MTA3: variants seen among roughly 807,000 people sequenced by gnomAD.
MTA3 encodes the protein metastasis associated 1 family member 3.
MTA3 carries 34 observed loss-of-function variants against 83.5 expected under a neutral mutation model. That is an observed-to-expected ratio of 0.41 (90% confidence interval 0.31 to 0.54). MTA3 has a LOEUF of 0.54. MTA3 is among the 20% of genes least tolerant of loss of function. The pLI, the probability that MTA3 is intolerant of heterozygous loss-of-function variation, is 0.33. For synonymous variants in MTA3, 303 were observed against 252.7 expected (o/e 1.20, Z -1.89); for missense variants, 761 against 726.4 (o/e 1.05, Z -0.55).
intron 2 of MTA3, among the ~76,000 whole-genome samples, chr2:42,575,272 C>G (rs1441210398): frequency 6.6e-6 from 1 of 152,314 alleles, no homozygotes. Context: ...TCCAAATATA[C>G]TTACTGTGTT....
At chr2:42,677,336 AT>A (rs1227263506) in intron 8 of MTA3, among the ~76,000 whole-genome samples, 3 of 149,124 alleles carry the variant, frequency 2.0e-5, no homozygotes, top group South Asian at 2.1e-4. Context: ...GATCTGATTT[AT>A]TTTTTTTTTA....
At chr2:42,750,905 C>G (rs890960996) in intron 16 of MTA3, among the ~76,000 whole-genome samples, 1 of 152,204 alleles carries the variant, frequency 6.6e-6, no homozygotes, top group Non-Finnish European at 1.5e-5. Flanking sequence ...CCTTTAACTC[C>G]TCTTCCTTGC....
At chr2:42,623,013 T>G (rs1423714878) in intron 4 of MTA3, among the ~76,000 whole-genome samples, 1 of 152,204 alleles carries the variant, frequency 6.6e-6, no homozygotes, top group African/African-American at 2.4e-5. Context: ...AATACAACTT[T>G]GTTTATGACA....
At chr2:42,638,375 C>T (rs1203297812) in intron 4 of MTA3, among the ~76,000 whole-genome samples, 1 of 152,018 alleles carries the variant, frequency 6.6e-6, no homozygotes, top group East Asian at 1.9e-4. Flanking sequence ...GAGAACATGT[C>T]AGATAATTGT....
chr2:42,681,090 C>A (rs1370682038), intron 8 of MTA3, among the ~76,000 whole-genome samples: 1 of 152,148 alleles, frequency 6.6e-6, no homozygotes, highest in Non-Finnish European at 1.5e-5. Context: ...GCAGAAGTAA[C>A]CTCGGGCCCA....
chr2:42,631,627 C>G (rs1036836000), intron 4 of MTA3, among the ~76,000 whole-genome samples: 5 of 152,154 alleles, frequency 3.3e-5, no homozygotes, highest in African/African-American at 9.7e-5. Flanking sequence ...TCTGTCCCCT[C>G]AAGCATTCAT....
At chr2:42,508,924 G>A (rs1419269396) in intron 2 of MTA3, among the ~76,000 whole-genome samples, 1 of 149,152 alleles carries the variant, frequency 6.7e-6, no homozygotes, top group Non-Finnish European at 1.5e-5. Context: ...TATGTTGGGG[G>A]AAAGGGGTTA....
At chr2:42,570,626 TG>T in intron 2 of MTA3, 122 bp downstream of exon 2, 1 of 494,634 alleles carries the variant, frequency 2.0e-6, no homozygotes, top group Non-Finnish European at 3.5e-6. Flanking sequence ...TTGGGAGGCC[TG>T]GCGAGTGGAT....
intron 8 of MTA3, among the ~76,000 whole-genome samples, chr2:42,674,847 G>A (rs959215832): frequency 2.0e-5 from 3 of 151,488 alleles, no homozygotes; most frequent in Non-Finnish European, 2.9e-5. Context: ...TGATCTGCCC[G>A]CCTCGGCCTC....
intron 16 of MTA3, among the ~76,000 whole-genome samples, chr2:42,749,824 G>A (rs1208327383): frequency 6.6e-6 from 1 of 151,984 alleles, no homozygotes; most frequent in Non-Finnish European, 1.5e-5. Flanking sequence ...TGGCTGGAGG[G>A]TTAGTCAAAT....
intron 11 of MTA3, among the ~76,000 whole-genome samples, chr2:42,701,396 G>T (rs183784210): frequency 7.0e-6 from 1 of 143,468 alleles, no homozygotes; most frequent in Non-Finnish European, 1.5e-5. Flanking sequence ...AGACCAGCCT[G>T]GGTAACATAG....
At chr2:42,652,812 A>G (rs1055630928) in intron 6 of MTA3, among the ~76,000 whole-genome samples, 6 of 152,208 alleles carry the variant, frequency 3.9e-5, no homozygotes, top group Non-Finnish European at 8.8e-5. Context: ...TCATAACTTA[A>G]TATGTTGGCC....
intron 9 of MTA3, among the ~76,000 whole-genome samples, chr2:42,683,800 G>T (rs11679377): frequency 2.6e-5 from 4 of 152,028 alleles, no homozygotes; most frequent in African/African-American, 7.2e-5. Context: ...AATGGGGAGT[G>T]GCTGTAAATA....
At chr2:42,653,658 T>C (rs146960617) in intron 6 of MTA3, among the ~76,000 whole-genome samples, 102 of 152,344 alleles carry the variant, frequency 6.7e-4, no homozygotes, top group South Asian at 1.4e-3. Flanking sequence ...TTAAATGCTT[T>C]CAAGAGTGTT....
intron 14 of MTA3, among the ~76,000 whole-genome samples, chr2:42,715,406 CTTTTTTTTTTTTTTT>C (rs35673744): frequency 5.6e-4 from 58 of 104,166 alleles, no homozygotes; most frequent in Admixed American, 1.3e-3. Context: ...CCACCAACTA[CTTTTTTTTTTTTTTT>C]TTTTTTTTTG....
At chr2:42,750,665 T>C (rs1669804236) in intron 16 of MTA3, among the ~76,000 whole-genome samples, 2 of 152,204 alleles carry the variant, frequency 1.3e-5, no homozygotes, top group Non-Finnish European at 2.9e-5. Flanking sequence ...TCTGAGAGCT[T>C]CATGGGAAGA....
chr2:42,575,270 T>C (rs988387453), intron 2 of MTA3, among the ~76,000 whole-genome samples: 2 of 152,222 alleles, frequency 1.3e-5, no homozygotes, highest in Non-Finnish European at 2.9e-5. Flanking sequence ...CCTCCAAATA[T>C]ACTTACTGTG....
chr2:42,674,152 C>T (rs182268721), intron 8 of MTA3, among the ~76,000 whole-genome samples: 7 of 152,194 alleles, frequency 4.6e-5, no homozygotes, highest in African/African-American at 7.2e-5. Context: ...TGTGCAAACA[C>T]TTGTCAAGGC....
intron 4 of MTA3, among the ~76,000 whole-genome samples, chr2:42,625,054 T>C (rs2104217291): frequency 6.6e-6 from 1 of 152,234 alleles, no homozygotes. Context: ...TTTTTTGAGA[T>C]GGAGTCTTGC....
Sources: allele counts gnomAD v4.1 joint callset (sites outside exome capture counted in the v4.1 genomes callset), GRCh38; gene constraint gnomAD v4.1.1; transcripts MANE v1.5; gene names NCBI Gene and HGNC (gene_info 2026-07-23, HGNC 2026-07-21).